Variants in PCDHGB3 observed in about 807,000 individuals in gnomAD.
PCDHGB3 encodes protocadherin gamma-B3.
Under a neutral mutation model 59.2 loss-of-function variants are expected in PCDHGB3, and 40 were observed. That is an observed-to-expected ratio of 0.68 (90% CI 0.52 to 0.88). The LOEUF (loss-of-function observed/expected upper bound fraction) is 0.88, where lower values mean the gene tolerates loss of function less well. PCDHGB3 is among the 40% of genes least tolerant of loss of function. The pLI is 0.00. For synonymous variants in PCDHGB3, 581 were observed against 503.6 expected (o/e 1.15, Z -2.06); for missense variants, 1,309 against 1,187.9 (o/e 1.10, Z -1.50).
chr5:141,419,561 G>T, intron 1 of PCDHGB3: 1 of 1,611,846 alleles, frequency 6.2e-7, no homozygotes. Flanking sequence ...CCCTGCGCTG[G>T]GTCCCGACGG....
chr5:141,400,102 G>A (rs376189143), intron 1 of PCDHGB3: 2 of 1,614,084 alleles, frequency 1.2e-6, no homozygotes, highest in Non-Finnish European at 1.7e-6. Context: ...GCTGCACTTG[G>A]TCTTTGCTGA....
chr5:141,383,817 A>T, intron 1 of PCDHGB3: 1 of 1,613,926 alleles, frequency 6.2e-7, no homozygotes, highest in Non-Finnish European at 8.5e-7. Context: ...CTTTAGAAGG[A>T]TTAGATTATG....
intron 1 of PCDHGB3, chr5:141,417,772 C>G: frequency 6.9e-7 from 1 of 1,456,320 alleles, no homozygotes; most frequent in East Asian, 2.5e-5. Context: ...GGGACTCCTC[C>G]TGTCCTGGGC....
At position 141,485,257 on chromosome 5, in the gene PCDHGB3, T is replaced by G. The variant is rs1251686604; in HGVS notation, c.2416-9550T>G. 1.9e-6 allele frequency: 3 copies of G among 1,614,036 alleles called. No homozygotes were observed. The highest frequency in any genetic ancestry group is 2.5e-6 in the Non-Finnish European group (3 of 1,180,006). ...TCTTTTACCACCTGGGTTACGTTTG[T>G]GGGCAGATCCGCTACCCGGTCCCAG... On this transcript the variant is annotated intron_variant, in intron 1 of 3. Coordinates refer to ENST00000576222, the MANE Select transcript of PCDHGB3 (RefSeq NM_018924.5). The surrounding 1 kb of genome is among the most constrained non-coding windows in gnomAD (Gnocchi z 5.7).
chr5:141,423,897 T>G, intron 1 of PCDHGB3: 7 of 1,278,866 alleles, frequency 5.5e-6, no homozygotes, highest in Non-Finnish European at 6.9e-6. Flanking sequence ...TTTCTTTTGA[T>G]TTCAAAGGGG....
chr5:141,477,642 A>G lies in PCDHGB3; in HGVS notation c.2416-17165A>G, dbSNP rs767152121. On this transcript the variant is annotated intron_variant, in intron 1 of 3. Transcript: ENST00000576222. The surrounding 1 kb of genome is among the most constrained non-coding windows in gnomAD (Gnocchi z 4.9). ...GCTGAAACCGGGCTAGTGGGTCGCT[A>G]TTTCACAATAAATCGTGACAATGGC... 9 of 1,614,136 alleles carry G rather than the reference A, an allele frequency of 5.6e-6. No individual in the cohort carries two copies. Among genetic ancestry groups the G allele is most frequent in the Non-Finnish European group, 7.6e-6 (9 of 1,180,022 alleles).
intron 1 of PCDHGB3, chr5:141,390,918 T>G (rs997224874): frequency 5.2e-5 from 8 of 152,550 alleles, no homozygotes; most frequent in Non-Finnish European, 1.2e-4. Flanking sequence ...GAAAAAGGTC[T>G]ACTATGCTCA....
At chr5:141,383,981 C>T in intron 1 of PCDHGB3, 3 of 1,613,792 alleles carry the variant, frequency 1.9e-6, no homozygotes, top group Non-Finnish European at 2.5e-6. Context: ...GAAGACACAC[C>T]TCTTGGGACA....
At chr5:141,398,818 C>G in intron 1 of PCDHGB3, 1 of 1,613,958 alleles carries the variant, frequency 6.2e-7, no homozygotes. Flanking sequence ...GCTCCGGATC[C>G]AGGTAACCGA....
At chr5:141,384,783 G>A in intron 1 of PCDHGB3, 4 of 1,613,678 alleles carry the variant, frequency 2.5e-6, no homozygotes, top group South Asian at 1.1e-5. Flanking sequence ...AGGTGCGCAC[G>A]GCTCGGGCCC....
At chr5:141,394,982 C>CCTGCTCCA (rs2093142772) in intron 1 of PCDHGB3, 2 of 1,613,866 alleles carry the variant, frequency 1.2e-6, no homozygotes, top group South Asian at 2.2e-5. Flanking sequence ...ACAAGTCACG[C>CCTGCTCCA]CTGCTCCAGG....
chr5:141,464,306 A>G (rs1438401635), intron 1 of PCDHGB3, among the ~76,000 whole-genome samples: 3 of 150,952 alleles, frequency 2.0e-5, no homozygotes. Context: ...TTGTATGTGC[A>G]CATATCATTA....
In PCDHGB3 at chr5:141,414,101, A is replaced by G. The variant is rs759223225; in HGVS notation, c.2415+41292A>G. On this transcript the variant is annotated intron_variant, in intron 1 of 3. Transcript: ENST00000576222. ...TATACTGGAGAAATAAAAATATCAG[A>G]AAATCTAGATTATGAAGAAACCGGT... 1.9e-6 allele frequency: 3 copies of G among 1,593,930 alleles called. No individual in the cohort carries two copies. The African/African-American group carries it at 4.0e-5, about 21-fold the overall frequency.
Position 141,485,855 on chromosome 5 carries a change from C to A in PCDHGB3, c.2416-8952C>A. ...CCCGCCGAGATCTGGCACCGCAGAG[C>A]TCCGGGTATCCGTGCTGGACGTAAA... On this transcript the variant is annotated intron_variant, in intron 1 of 3. Transcript: ENST00000576222. The surrounding 1 kb of genome is among the most constrained non-coding windows in gnomAD (Gnocchi z 5.7). 6.2e-7 allele frequency: 1 copy of A among 1,614,196 alleles called. No homozygotes were observed. Among genetic ancestry groups the A allele is most frequent in the Non-Finnish European group, 8.5e-7 (1 of 1,180,036 alleles).
At chr5:141,404,978 G>T (rs373968137) in intron 1 of PCDHGB3, 2 of 1,613,976 alleles carry the variant, frequency 1.2e-6, no homozygotes, top group Non-Finnish European at 8.5e-7. Flanking sequence ...GGCTGACCTG[G>T]GCAGTCTTCA....
Position 141,371,323 on chromosome 5 carries a change from AAGAG to A in PCDHGB3, c.935_938del (p.Arg312IlefsTer23). On this transcript the variant is annotated frameshift_variant, in exon 1 of 4. Coordinates refer to ENST00000576222, the MANE Select transcript of PCDHGB3 (RefSeq NM_018924.5). LOFTEE classifies it high-confidence loss of function. ...ACCACTATTGGAGAACTGGACTTTG[AAGAG>A]AGAGATAGCTACACAATTGGGGTGG... is the stretch of plus-strand genomic sequence containing the variant. The A allele has an allele frequency of 2.5e-6, 4 of 1,614,012 alleles. No homozygotes were observed. Among genetic ancestry groups the A allele is most frequent in the Non-Finnish European group, 3.4e-6 (4 of 1,179,886 alleles).
Position 141,431,601 on chromosome 5 carries a change from T to G in PCDHGB3, c.2415+58792T>G. 1 of 1,614,202 alleles carries G rather than the reference T, an allele frequency of 6.2e-7. No homozygotes were observed. Among genetic ancestry groups the G allele is most frequent in the Non-Finnish European group, 8.5e-7 (1 of 1,180,032 alleles). On this transcript the variant is annotated intron_variant, in intron 1 of 3. Transcript: ENST00000576222. The surrounding 1 kb of genome is among the most constrained non-coding windows in gnomAD (Gnocchi z 4.8). Reference sequence around the variant, plus strand: ...GTCAATGCGGAAGTGAGGTATTCCTTCCGGTATGTGGACGACAAGGCGGCC... The same window carrying G: ...GTCAATGCGGAAGTGAGGTATTCCTGCCGGTATGTGGACGACAAGGCGGCC...
chr5:141,394,761 G>A, intron 1 of PCDHGB3: 1 of 1,613,428 alleles, frequency 6.2e-7, no homozygotes, highest in South Asian at 1.1e-5. Context: ...CCAGGACCAT[G>A]GCCAGCCCCC....
Position 141,371,841 on chromosome 5 carries a change from C to T in PCDHGB3, c.1447C>T (p.Pro483Ser). 6.2e-7 allele frequency: 1 copy of T among 1,613,716 alleles called. No individual in the cohort carries two copies. The highest frequency in any genetic ancestry group is 8.5e-7 in the Non-Finnish European group (1 of 1,179,904). The stretch of plus-strand genomic sequence containing the variant: ...CAGAGCCTCGGATCCCGACTTGGGA[C>T]CTAATGGCCTTGTCTCCTACTACAT... ...HVRASDPDLG[P>S]NGLVSYYIVA... Residue 483 changes from proline to serine, a missense_variant, in exon 1 of 4, where the codon CCT (proline) becomes TCT (serine). By Grantham distance (74) the Pro-to-Ser change is moderately conservative (BLOSUM62 -1). Coordinates refer to ENST00000576222, the MANE Select transcript of PCDHGB3 (RefSeq NM_018924.5).
Sources: allele counts gnomAD v4.1 joint callset (sites outside exome capture counted in the v4.1 genomes callset), GRCh38; gene constraint gnomAD v4.1.1; non-coding constraint Gnocchi (gnomAD v3.1); transcripts MANE v1.5; gene names NCBI Gene and HGNC (gene_info 2026-07-23, HGNC 2026-07-21).